Variants in EGFLAM observed in about 807,000 individuals in gnomAD.
The protein encoded by EGFLAM is EGF like, fibronectin type III and laminin G domains, also known as pikachurin.
Under a neutral mutation model 113.1 loss-of-function variants are expected in EGFLAM, and 79 were observed. The ratio of observed to expected loss-of-function variants is 0.70; its 90% confidence interval spans 0.58 to 0.84. The LOEUF (loss-of-function observed/expected upper bound fraction) is 0.84, where lower values mean the gene tolerates loss of function less well. Among genes scored for constraint, EGFLAM ranks in the 40% least tolerant of loss-of-function variants. The probability of loss-of-function intolerance (pLI) is 0.00; values close to 1 mark genes in which losing one functional copy is unlikely to be tolerated. For missense variants in EGFLAM, 1,265 were observed against 1,291.6 expected (o/e 0.98, Z 0.32); for synonymous variants, 504 against 487.6 (o/e 1.03, Z -0.44).
At chr5:38,265,972 A>C (rs755014522) in intron 1 of EGFLAM, among the ~76,000 whole-genome samples, 1 of 152,138 alleles carries the variant, frequency 6.6e-6, no homozygotes, top group African/African-American at 2.4e-5. Context: ...GCTGATCTTC[A>C]CTGCTTCATA....
chr5:38,266,222 G>C (rs539900000), intron 1 of EGFLAM, among the ~76,000 whole-genome samples: 43 of 152,282 alleles, frequency 2.8e-4, no homozygotes, highest in African/African-American at 9.6e-4. Context: ...GGTGGAGCAG[G>C]AAGGCTTGGG....
chr5:38,437,889 T>A (rs1170829968), intron 16 of EGFLAM, among the ~76,000 whole-genome samples: 1 of 152,080 alleles, frequency 6.6e-6, no homozygotes, highest in Non-Finnish European at 1.5e-5. Context: ...TTTGGGAGGC[T>A]GAAGTGGGCG....
chr5:38,305,385 T>G (rs1394267475), intron 1 of EGFLAM: 3 of 432,440 alleles, frequency 6.9e-6, no homozygotes, highest in African/African-American at 2.0e-5. Flanking sequence ...CAATGAAGGA[T>G]GATAGAAGAC....
At chr5:38,339,523 G>C (rs565659324) in intron 3 of EGFLAM, among the ~76,000 whole-genome samples, 1 of 152,318 alleles carries the variant, frequency 6.6e-6, no homozygotes, top group African/African-American at 2.4e-5. Flanking sequence ...AGAGAAACCT[G>C]TTTGTCATCC....
intron 6 of EGFLAM, among the ~76,000 whole-genome samples, chr5:38,375,971 A>G (rs538028800): frequency 1.3e-5 from 2 of 152,350 alleles, no homozygotes; most frequent in South Asian, 4.1e-4. Flanking sequence ...GGCGTTCCAC[A>G]CAAATCAGCA....
intron 1 of EGFLAM, among the ~76,000 whole-genome samples, chr5:38,277,585 A>G (rs1015051448): frequency 7.5e-6 from 1 of 133,734 alleles, no homozygotes; most frequent in Non-Finnish European, 1.7e-5. Context: ...ATAAAGAAAT[A>G]AAAAGCTCTA....
chr5:38,421,619 T>C (rs1472748355), intron 12 of EGFLAM, among the ~76,000 whole-genome samples: 2 of 152,230 alleles, frequency 1.3e-5, no homozygotes, highest in East Asian at 3.8e-4. Flanking sequence ...ATAGTTGCCA[T>C]GTGGAGAGAC....
Position 38,463,028 on chromosome 5 carries a change from C to T in EGFLAM, c.2875+17C>T, listed in dbSNP as rs756113793. ...TGTATGTGGGTAAGTGACCGACCCT[C>T]GACCAAAGCAAAATTAGGCCAGTGC... On this transcript the variant is annotated intron_variant, in intron 21 of 21. Coordinates refer to ENST00000322350, the MANE Select transcript of EGFLAM (RefSeq NM_152403.4). 3.1e-6 allele frequency: 5 copies of T among 1,606,322 alleles called. No individual in the cohort carries two copies. Among genetic ancestry groups the T allele is most frequent in the African/African-American group, 2.7e-5 (2 of 74,746 alleles).
chr5:38,427,599 G>A (rs1173149251), intron 14 of EGFLAM, among the ~76,000 whole-genome samples: 1 of 152,194 alleles, frequency 6.6e-6, no homozygotes, highest in African/African-American at 2.4e-5. Context: ...ACTGTAACTA[G>A]TCAGCATCTC....
chr5:38,353,906 A>T (rs1488823569), intron 5 of EGFLAM, among the ~76,000 whole-genome samples: 1 of 152,078 alleles, frequency 6.6e-6, no homozygotes, highest in African/African-American at 2.4e-5. Flanking sequence ...ACCCAGCAAA[A>T]TCTCAATATT....
intron 1 of EGFLAM, among the ~76,000 whole-genome samples, chr5:38,302,527 A>G (rs1458005085): frequency 6.6e-6 from 1 of 152,198 alleles, no homozygotes; most frequent in African/African-American, 2.4e-5. Flanking sequence ...AAATTTTGAC[A>G]TGAAACAAAT....
chr5:38,427,068 T>C lies in EGFLAM; in HGVS notation c.1870T>C (p.Trp624Arg), dbSNP rs766867269. The C allele has an allele frequency of 5.0e-6, 8 of 1,614,052 alleles. No individual in the cohort carries two copies. The Admixed American group carries it at 1.3e-4, about 27-fold the overall frequency. ...TCTGAGATCTTACGCTGCAACTCCCTGGCCACTGGAGCCCCAGCATTACCT... is the reference window on the plus strand; with the variant it reads ...TCTGAGATCTTACGCTGCAACTCCCCGGCCACTGGAGCCCCAGCATTACCT... ...ESLRSYAATPWPLEPQHYLSF... is the reference protein window; with the variant it reads ...ESLRSYAATPRPLEPQHYLSF... The change falls in exon 14 of 22, where the codon TGG (tryptophan) becomes CGG (arginine). Residue 624 changes from tryptophan to arginine, a missense_variant. Physicochemically the swap from Trp to Arg is moderately radical, Grantham distance 101. Transcript: ENST00000322350.
At chr5:38,424,921 T>A in intron 12 of EGFLAM, 46 bp from the exon 13 acceptor site, 1 of 1,606,110 alleles carries the variant, frequency 6.2e-7, no homozygotes, top group Non-Finnish European at 8.5e-7. Flanking sequence ...TGTGTTGGAC[T>A]GGCACACATG....
At chr5:38,324,043 C>CAAAAAAAAAA (rs34351121) in intron 1 of EGFLAM, among the ~76,000 whole-genome samples, 2 of 92,294 alleles carry the variant, frequency 2.2e-5, no homozygotes, top group South Asian at 3.8e-4. Flanking sequence ...CCATCTCAAA[C>CAAAAAAAAAA]AAAAAAAAAA....
intron 6 of EGFLAM, among the ~76,000 whole-genome samples, chr5:38,381,029 T>C (rs1359842052): frequency 6.6e-6 from 1 of 152,238 alleles, no homozygotes; most frequent in East Asian, 1.9e-4. Context: ...TGCAACTATA[T>C]ACTGTTTATT....
chr5:38,318,010 T>C (rs1023271261), intron 1 of EGFLAM, among the ~76,000 whole-genome samples: 18 of 152,186 alleles, frequency 1.2e-4, no homozygotes, highest in African/African-American at 4.1e-4. Context: ...CATGAGTTAA[T>C]GCAGTTGTTC....
At chr5:38,259,933 C>T (rs944334488) in intron 1 of EGFLAM, among the ~76,000 whole-genome samples, 1 of 152,210 alleles carries the variant, frequency 6.6e-6, no homozygotes, top group Non-Finnish European at 1.5e-5. Context: ...CATTGAAACT[C>T]TCTATCTGGA....
chr5:38,372,120 G>T (rs1163321003), intron 6 of EGFLAM, among the ~76,000 whole-genome samples: 3 of 151,892 alleles, frequency 2.0e-5, no homozygotes, highest in African/African-American at 7.3e-5. Flanking sequence ...GGATGGGTGG[G>T]TTGGGGCACC....
chr5:38,280,564 A>G (rs1757990289), intron 1 of EGFLAM, among the ~76,000 whole-genome samples: 2 of 152,084 alleles, frequency 1.3e-5, no homozygotes, highest in South Asian at 4.1e-4. Flanking sequence ...CTACAACTAC[A>G]TACAGCCCCT....
Sources: allele counts gnomAD v4.1 joint callset (sites outside exome capture counted in the v4.1 genomes callset), GRCh38; gene constraint gnomAD v4.1.1; transcripts MANE v1.5; gene names NCBI Gene and HGNC (gene_info 2026-07-23, HGNC 2026-07-21).